Variants in STMN4 observed in about 807,000 individuals in gnomAD.
STMN4 encodes the protein stathmin-4.
In STMN4, 12 loss-of-function variants were observed where a neutral mutation model predicts 29.1. The ratio of observed to expected loss-of-function variants is 0.41; its 90% CI spans 0.26 to 0.67. The LOEUF (loss-of-function observed/expected upper bound fraction) is 0.67, where lower values mean the gene tolerates loss of function less well. STMN4 is among the 30% of genes least tolerant of loss of function. The pLI is 0.30. For synonymous variants in STMN4, 114 were observed against 105.3 expected, an observed-to-expected ratio of 1.08 and a Z score of -0.51; for missense variants, 181 against 262.8, an observed-to-expected ratio of 0.69 and a Z score of 2.15.
intron 1 of STMN4, among the ~76,000 whole-genome samples, chr8:27,257,813 G>A (rs1484324243): frequency 6.6e-6 from 1 of 152,182 alleles, no homozygotes; most frequent in Non-Finnish European, 1.5e-5. Flanking sequence ...CCTCAGGGTG[G>A]GGCGGGGCCA....
chr8:27,236,757 T>G lies in STMN4; in HGVS notation c.*89A>C. The stretch of plus-strand genomic sequence containing the variant: ...CCCCCCTCCCCCCAAACCCCAGTGC[T>G]GGGAGCGCAGCCGGCGGGCGAGGCT... On this transcript the variant is annotated 3_prime_UTR_variant, in exon 7 of 7. Transcript: ENST00000350889. The G allele has an allele frequency of 5.0e-5, 56 of 1,122,438 alleles. No individual in the cohort carries two copies. Among genetic ancestry groups the G allele is most frequent in the Non-Finnish European group, 5.5e-5 (45 of 814,810 alleles). The allele number at this position is 1,122,438 out of a possible 1,614,324, so 69.5% of individuals were successfully genotyped here.
chr8:27,240,911 T>C, intron 5 of STMN4, 143 bp downstream of exon 5: 1 of 812,708 alleles, frequency 1.2e-6, no homozygotes, highest in South Asian at 1.9e-5. Flanking sequence ...TGGTGTCTCA[T>C]TCTCCACCGC....
chr8:27,251,830 T>G (rs1303973089), intron 1 of STMN4, among the ~76,000 whole-genome samples: 2 of 152,124 alleles, frequency 1.3e-5, no homozygotes, highest in African/African-American at 2.4e-5. Flanking sequence ...ATTATTATAC[T>G]TTAAGTTTTA....
intron 6 of STMN4, chr8:27,239,645 T>C (rs1026583761): frequency 2.9e-6 from 4 of 1,356,924 alleles, no homozygotes; most frequent in South Asian, 1.6e-5. Context: ...TAGGAATGCA[T>C]ACCTGCTTGT....
chr8:27,244,404 G>A (rs1006655323), intron 1 of STMN4, among the ~76,000 whole-genome samples: 1 of 152,188 alleles, frequency 6.6e-6, no homozygotes, highest in African/African-American at 2.4e-5. Flanking sequence ...AAGGAATCAT[G>A]TCGTCATCAC....
intron 6 of STMN4, among the ~76,000 whole-genome samples, chr8:27,238,261 C>T (rs1801366047): frequency 6.6e-6 from 1 of 152,352 alleles, no homozygotes; most frequent in Non-Finnish European, 1.5e-5. Context: ...GTGACCCACA[C>T]AAACACTGGC....
chr8:27,245,421 C>T (rs1801597438), intron 1 of STMN4, among the ~76,000 whole-genome samples: 1 of 152,212 alleles, frequency 6.6e-6, no homozygotes, highest in African/African-American at 2.4e-5. Context: ...CCATTTGAAC[C>T]GAGGTCCAGC....
chr8:27,240,214 T>C, intron 5 of STMN4, 52 bp from the exon 6 acceptor site: 1 of 1,570,940 alleles, frequency 6.4e-7, no homozygotes, highest in Non-Finnish European at 8.6e-7. Flanking sequence ...TGTGCCAGGG[T>C]TTATTTTCAC....
intron 6 of STMN4, 31 bp downstream of exon 6, chr8:27,239,940 G>A (rs1219997122): frequency 1.2e-6 from 2 of 1,614,072 alleles, no homozygotes; most frequent in South Asian, 2.2e-5. Flanking sequence ...GCATGTCCCA[G>A]GAAACTCCTC....
At chr8:27,256,615 A>T (rs918980245) in intron 1 of STMN4, among the ~76,000 whole-genome samples, 1 of 149,216 alleles carries the variant, frequency 6.7e-6, no homozygotes, top group African/African-American at 2.6e-5. Flanking sequence ...ACAAATATAC[A>T]CATAACTGAT....
chr8:27,239,466 G>A, intron 6 of STMN4: 2 of 715,690 alleles, frequency 2.8e-6, no homozygotes, highest in Non-Finnish European at 4.5e-6. Context: ...ATTGACAAAA[G>A]GCAACATATT....
At chr8:27,254,520 C>T (rs1378799939) in intron 1 of STMN4, among the ~76,000 whole-genome samples, 1 of 152,182 alleles carries the variant, frequency 6.6e-6, no homozygotes, top group African/African-American at 2.4e-5. Context: ...GGGGAGTGGA[C>T]ACGCAGCTCT....
intron 1 of STMN4, among the ~76,000 whole-genome samples, chr8:27,245,936 A>G (rs1194118545): frequency 6.6e-6 from 1 of 152,382 alleles, no homozygotes; most frequent in Non-Finnish European, 1.5e-5. Context: ...CAAGACAGGC[A>G]TCATCAGCTT....
chr8:27,236,744 C>G lies in STMN4; in HGVS notation c.*102G>C, dbSNP rs950438075. 1.7e-6 allele frequency: 2 copies of G among 1,158,318 alleles called. No individual in the cohort carries two copies. The highest frequency in any genetic ancestry group is 3.4e-5 in the Admixed American group (1 of 29,652). 71.8% of individuals were successfully genotyped at this position (1,158,318 alleles called of 1,614,324 possible). ...CGCCCCTTGGCCACCCCCCTCCCCC[C>G]AAACCCCAGTGCTGGGAGCGCAGCC... is the stretch of plus-strand genomic sequence containing the variant. On this transcript the variant is annotated 3_prime_UTR_variant, in exon 7 of 7. Coordinates refer to ENST00000350889, the MANE Select transcript of STMN4 (RefSeq NM_030795.4).
intron 3 of STMN4, chr8:27,242,023 C>T (rs1801489665): frequency 1.7e-6 from 1 of 573,184 alleles, no homozygotes; most frequent in Non-Finnish European, 3.1e-6. Flanking sequence ...CCAGAGGAGA[C>T]CTGTTGACCT....
chr8:27,244,753 G>T (rs1002381285), intron 1 of STMN4, among the ~76,000 whole-genome samples: 62 of 152,312 alleles, frequency 4.1e-4, no homozygotes, highest in Non-Finnish European at 8.1e-4. Context: ...AAGAGGAGGG[G>T]GCGGGGCAGG....
Position 27,236,605 on chromosome 8 carries a change from C to T in STMN4, c.*241G>A. On this transcript the variant is annotated 3_prime_UTR_variant, in exon 7 of 7. Transcript: ENST00000350889. The stretch of plus-strand genomic sequence containing the variant: ...TGTCCTTGAGTTCTTCTCCATCTCC[C>T]TTTCCCAAACTCTCTCCTCTCCCCT... 1 of 390,946 alleles carries T rather than the reference C, an allele frequency of 2.6e-6. No individual in the cohort carries two copies. Among genetic ancestry groups the T allele is most frequent in the Non-Finnish European group, 4.5e-6 (1 of 219,928 alleles). The allele number at this position is 390,946 out of a possible 1,614,324, so 24.2% of individuals were successfully genotyped here. A position where few individuals can be genotyped will look rare whatever the true frequency, so the allele number is the denominator to read the frequency against.
Position 27,243,561 on chromosome 8 carries a change from A to G in STMN4, c.13+150T>C, listed in dbSNP as rs113514887. On this transcript the variant is annotated intron_variant, in intron 2 of 6. Coordinates refer to ENST00000350889, the MANE Select transcript of STMN4 (RefSeq NM_030795.4). ...TGGTGTGCCTCCCGCCACTGCCTGCATGCCCCCAAGCCTCCCATCACTACC... is the reference window on the plus strand; with the variant it reads ...TGGTGTGCCTCCCGCCACTGCCTGCGTGCCCCCAAGCCTCCCATCACTACC... 1.2e-4 allele frequency: 93 copies of G among 781,456 alleles called. 1 individual carries two copies. The African/African-American group carries it at 1.5e-3, about 13-fold the overall frequency. 48.4% of individuals were successfully genotyped at this position (781,456 alleles called of 1,614,324 possible). A position where few individuals can be genotyped will look rare whatever the true frequency, so the allele number is the denominator to read the frequency against.
intron 1 of STMN4, among the ~76,000 whole-genome samples, chr8:27,244,391 A>G (rs575393478): frequency 5.2e-4 from 79 of 152,178 alleles, no homozygotes; most frequent in Non-Finnish European, 1.1e-3. Context: ...AAAGAAAAAC[A>G]TTAAGGAATC....
Sources: gnomAD v4.1 joint callset for allele counts (sites outside exome capture counted in the v4.1 genomes callset) on GRCh38, gnomAD v4.1.1 for gene constraint, MANE v1.5 for transcripts, NCBI Gene and HGNC (gene_info 2026-07-23, HGNC 2026-07-21) for gene names.